ABLIM2: variants seen among roughly 807,000 people sequenced by gnomAD.
The protein encoded by ABLIM2 is actin binding LIM protein family member 2, also known as actin-binding LIM protein 2.
A neutral mutation model predicts 97.7 loss-of-function variants in ABLIM2; 53 were observed. That is an observed-to-expected ratio of 0.54 (90% CI 0.44 to 0.68). ABLIM2 has a LOEUF of 0.68. ABLIM2 is among the 30% of genes least tolerant of loss of function. ABLIM2 has a pLI of 0.00. For missense variants in ABLIM2, 835 were observed against 867.2 expected (o/e 0.96, Z 0.47); for synonymous variants, 361 against 345.8 (o/e 1.04, Z -0.49).
Position 7,983,455 on chromosome 4 carries a change from C to T in ABLIM2, c.1743+92G>A, listed in dbSNP as rs1162745978. On this transcript the variant is annotated intron_variant, in intron 19 of 20. Transcript: ENST00000447017. ...CATACTTGCGTCTGCACCTGACACA[C>T]ACATTTCATAGGTAAAGCACAACAG... 1.2e-5 allele frequency: 19 copies of T among 1,588,004 alleles called. No individual in the cohort carries two copies. The East Asian group carries it at 4.3e-4, about 36-fold the overall frequency.
chr4:8,005,540 C>A lies in ABLIM2; in HGVS notation c.1618+2519G>T. On this transcript the variant is annotated intron_variant, in intron 16 of 20. Transcript: ENST00000447017. This position sits in a 1 kb window ranked among gnomAD's most constrained non-coding sequence, Gnocchi z 4.9. ...GGTCTGGGGGCTACTTGGTGACAAT[C>A]AAAAGAACCCCGAGAGAAAAAAAAG... 2.0e-6 allele frequency: 1 copy of A among 497,096 alleles called. No homozygotes were observed. The highest frequency in any genetic ancestry group is 1.4e-5 in the South Asian group (1 of 70,602). The allele number at this position is 497,096 out of a possible 1,614,324, so 30.8% of individuals were successfully genotyped here. A position where few individuals can be genotyped will look rare whatever the true frequency, so the allele number is the denominator to read the frequency against.
At chr4:8,038,999 C>T (rs1006392222) in intron 9 of ABLIM2, among the ~76,000 whole-genome samples, 2 of 152,142 alleles carry the variant, frequency 1.3e-5, no homozygotes, top group African/African-American at 4.8e-5. Flanking sequence ...TCCTTCCAGG[C>T]TCAGCGAAGG....
chr4:8,134,303 C>T (rs552889048), intron 1 of ABLIM2, among the ~76,000 whole-genome samples: 10 of 152,152 alleles, frequency 6.6e-5, no homozygotes, highest in South Asian at 2.1e-4. Context: ...CAGGGCGGAT[C>T]GGAGGGGATG....
At chr4:8,152,934 C>T (rs566900615) in intron 1 of ABLIM2, among the ~76,000 whole-genome samples, 4 of 152,244 alleles carry the variant, frequency 2.6e-5, no homozygotes, top group South Asian at 2.1e-4. Flanking sequence ...GCCTGAGACC[C>T]CACTTCAAGG....
At chr4:8,053,802 T>C (rs1013788231) in intron 8 of ABLIM2, among the ~76,000 whole-genome samples, 1 of 152,058 alleles carries the variant, frequency 6.6e-6, no homozygotes, top group Non-Finnish European at 1.5e-5. Context: ...TCTCGGGAGT[T>C]TGGCCCCTTT....
rs893014436 is a variant in ABLIM2 at position 8,085,263 on chromosome 4, G to A, written c.454+2906C>T. On this transcript the variant is annotated intron_variant, in intron 4 of 20. Coordinates refer to ENST00000447017, the MANE Select transcript of ABLIM2 (RefSeq NM_001130083.2). This position sits in a 1 kb window ranked among gnomAD's most constrained non-coding sequence, Gnocchi z 6.1. Reference sequence around the variant, plus strand: ...GTGAGGCCCCACCCTGCTGCCCCCCGGCCCAGCAAGCTGGCCAGGCAGACG... The same window carrying A: ...GTGAGGCCCCACCCTGCTGCCCCCCAGCCCAGCAAGCTGGCCAGGCAGACG... 2.6e-5 allele frequency among the ~76,000 whole-genome samples: 4 copies of A among 152,024 alleles called. No individual in the cohort carries two copies. The highest frequency in any genetic ancestry group is 6.6e-5 in the Admixed American group (1 of 15,254).
At chr4:8,073,326 C>T (rs929829546) in intron 6 of ABLIM2, among the ~76,000 whole-genome samples, 3 of 151,182 alleles carry the variant, frequency 2.0e-5, no homozygotes, top group South Asian at 2.1e-4. Context: ...TGGCTGCCAA[C>T]TCTTTGTCAA....
chr4:7,994,959 G>T (rs1209767804), intron 16 of ABLIM2, among the ~76,000 whole-genome samples: 1 of 114,466 alleles, frequency 8.7e-6, no homozygotes, highest in African/African-American at 2.7e-5. Flanking sequence ...AATCTACAAT[G>T]AACTCAAACA....
At position 7,966,845 on chromosome 4, in the gene ABLIM2, C is replaced by T. The variant is rs2292738; in HGVS notation, c.*145G>A. 0.081 allele frequency: 44,175 copies of T among 542,248 alleles called. 3,662 individuals carry two copies. Among genetic ancestry groups the T allele is most frequent in the African/African-American group, 0.22 (10,860 of 50,504 alleles). 33.6% of individuals were successfully genotyped at this position (542,248 alleles called of 1,614,324 possible). A position where few individuals can be genotyped will look rare whatever the true frequency, so the allele number is the denominator to read the frequency against. On this transcript the variant is annotated 3_prime_UTR_variant, in exon 21 of 21. Transcript: ENST00000447017. Reference sequence around the variant, plus strand: ...GGAGTGTCGCCGGCAGGTGCAGGGGCCGCACCTGCTGGGGGACCCCCTCCC... The same window carrying T: ...GGAGTGTCGCCGGCAGGTGCAGGGGTCGCACCTGCTGGGGGACCCCCTCCC...
At chr4:8,091,973 T>A (rs1400493072) in intron 3 of ABLIM2, among the ~76,000 whole-genome samples, 1 of 136,054 alleles carries the variant, frequency 7.4e-6, no homozygotes, top group Non-Finnish European at 1.5e-5. Context: ...ATACATATTT[T>A]TATATATATT....
At chr4:7,991,872 T>C (rs1749026125) in intron 17 of ABLIM2, among the ~76,000 whole-genome samples, 1 of 152,152 alleles carries the variant, frequency 6.6e-6, no homozygotes, top group Non-Finnish European at 1.5e-5. Context: ...CTTCTGGAGA[T>C]GGTGTCCTGT....
At position 8,033,127 on chromosome 4, in the gene ABLIM2, G is replaced by A. The variant is rs541875639; in HGVS notation, c.1047+3022C>T. Among the ~76,000 whole-genome samples the A allele has an allele frequency of 1.9e-4, 29 of 152,354 alleles. No individual in the cohort carries two copies. The highest frequency in any genetic ancestry group is 5.3e-4 in the African/African-American group (22 of 41,590). On this transcript the variant is annotated intron_variant, in intron 10 of 20. Transcript: ENST00000447017. This position sits in a 1 kb window ranked among gnomAD's most constrained non-coding sequence, Gnocchi z 4.5. ...AAGCCTTTGGGTTGGAGACGGCTCT[G>A]CCGTGGGGGTCCTGGGGCCCTAGAC...
intron 1 of ABLIM2, among the ~76,000 whole-genome samples, chr4:8,136,932 A>G (rs1274911060): frequency 6.6e-6 from 1 of 152,218 alleles, no homozygotes. Flanking sequence ...CTAACTCACA[A>G]GGCAATGTAT....
intron 8 of ABLIM2, among the ~76,000 whole-genome samples, chr4:8,051,258 T>G (rs1200084453): frequency 6.6e-6 from 1 of 152,100 alleles, no homozygotes; most frequent in Admixed American, 6.5e-5. Context: ...ATTAAGAAAT[T>G]ATTTTAGGGG....
chr4:8,089,698 C>T (rs1202576157), intron 3 of ABLIM2, among the ~76,000 whole-genome samples: 1 of 135,722 alleles, frequency 7.4e-6, no homozygotes, highest in Non-Finnish European at 1.5e-5. Flanking sequence ...TGCACCACTG[C>T]ACTCCAGGCT....
rs768442648 is a variant in ABLIM2, at chr4:8,095,703, C to T, written c.338+1396G>A. Among the ~76,000 whole-genome samples, 22 of 152,066 alleles carry T rather than the reference C, an allele frequency of 1.4e-4. No individual in the cohort carries two copies. The highest frequency in any genetic ancestry group is 3.2e-3 in the Middle Eastern group (1 of 316). On this transcript the variant is annotated intron_variant, in intron 3 of 20. Coordinates refer to ENST00000447017, the MANE Select transcript of ABLIM2 (RefSeq NM_001130083.2). This position sits in a 1 kb window ranked among gnomAD's most constrained non-coding sequence, Gnocchi z 4.7. ...CAGCCAGCATGATCTTCCTGAGGCT[C>T]GTTTTGTGCTTTGGTAGAGCAGGTT... is the stretch of plus-strand genomic sequence containing the variant.
chr4:8,036,891 C>G (rs1023574033), intron 9 of ABLIM2, among the ~76,000 whole-genome samples: 7 of 151,810 alleles, frequency 4.6e-5, no homozygotes, highest in African/African-American at 7.3e-5. Flanking sequence ...CAAACACACA[C>G]GCATCCCTTA....
intron 1 of ABLIM2, among the ~76,000 whole-genome samples, chr4:8,136,874 A>G (rs1850265102): frequency 6.6e-6 from 1 of 152,174 alleles, no homozygotes; most frequent in Non-Finnish European, 1.5e-5. Flanking sequence ...ACTCGCTACT[A>G]TGGTCTGAAT....
At chr4:7,993,889 G>C (rs1750966306) in intron 16 of ABLIM2, 1 of 504,776 alleles carries the variant, frequency 2.0e-6, no homozygotes, top group African/African-American at 1.9e-5. Flanking sequence ...TCCCTGGCTG[G>C]CCCTGGGTGG....
Sources: gnomAD v4.1 joint callset for allele counts (sites outside exome capture counted in the v4.1 genomes callset) on GRCh38, gnomAD v4.1.1 for gene constraint, Gnocchi (gnomAD v3.1) non-coding constraint, MANE v1.5 for transcripts, NCBI Gene and HGNC (gene_info 2026-07-23, HGNC 2026-07-21) for gene names.